Variants in SLC38A10 observed in about 807,000 individuals in gnomAD.
The protein encoded by SLC38A10 is Sodium-coupled neutral amino acid transporter 10.
SLC38A10 carries 53 observed loss-of-function variants against 81.0 expected under a neutral mutation model. That is an observed-to-expected ratio of 0.65 (90% confidence interval 0.53 to 0.82). The LOEUF is 0.82. Among genes scored for constraint, SLC38A10 ranks in the 40% least tolerant of loss-of-function variants. SLC38A10 has a pLI of 0.00. For synonymous variants in SLC38A10, 665 were observed against 655.3 expected, an observed-to-expected ratio of 1.01 and a Z score of -0.23; for missense variants, 1,471 against 1,545.0, an observed-to-expected ratio of 0.95 and a Z score of 0.80.
intron 11 of SLC38A10, among the ~76,000 whole-genome samples, 166 bp downstream of exon 11, chr17:81,260,072 G>A (rs1210593902): frequency 6.6e-6 from 1 of 152,182 alleles, no homozygotes; most frequent in Non-Finnish European, 1.5e-5. Context: ...AGCCAGCCAT[G>A]GTGCACAGAG....
rs1481590587 is a variant in SLC38A10 at position 81,283,418 on chromosome 17, G to T, written c.348C>A (p.Phe116Leu). Residue 116 changes from phenylalanine (F) to leucine (L), a missense_variant, in exon 4 of 16, where the codon TTC (phenylalanine) becomes TTA (leucine). Around this residue, in one of 2 missense-constraint regions of SLC38A10, gnomAD observed 720 missense variants for 827.7 expected, o/e 0.87. Transcript: ENST00000374759. The surrounding 1 kb of genome is among the most constrained non-coding windows in gnomAD (Gnocchi z 4.7). ...CTGAACACATCCTTACCTGAAACCCGAACAGCCGGGCAAAGAAGTTGGACC... is the reference window on the plus strand; with the variant it reads ...CTGAACACATCCTTACCTGAAACCCTAACAGCCGGGCAAAGAAGTTGGACC... ...DLGSNFFARLFGFQVGGTFRM... is the reference protein window; with the variant it reads ...DLGSNFFARLLGFQVGGTFRM... 1 of 1,611,510 alleles carries T rather than the reference G, an allele frequency of 6.2e-7. No homozygotes were observed. The highest frequency in any genetic ancestry group is 1.7e-5 in the Admixed American group (1 of 59,796).
Position 81,277,217 on chromosome 17 carries a change from C to T in SLC38A10, c.627-84G>A. On this transcript the variant is annotated intron_variant, in intron 6 of 15. Coordinates refer to ENST00000374759, the MANE Select transcript of SLC38A10 (RefSeq NM_001037984.3). The surrounding 1 kb of genome is among the most constrained non-coding windows in gnomAD (Gnocchi z 4.5). ...CTCCACTTCTAGGACCTCTCTGCAG[C>T]CCAGTGAGAGTCTCTGACCTTCCTT... 1 of 1,199,764 alleles carries T rather than the reference C, an allele frequency of 8.3e-7. No homozygotes were observed. The highest frequency in any genetic ancestry group is 1.2e-6 in the Non-Finnish European group (1 of 818,744). The allele number at this position is 1,199,764 out of a possible 1,614,324, so 74.3% of individuals were successfully genotyped here.
In SLC38A10 at chr17:81,245,890, A is replaced by G. The variant is rs1244586265; in HGVS notation, c.3026T>C (p.Val1009Ala). 2 of 1,612,136 alleles carry G rather than the reference A, an allele frequency of 1.2e-6. No individual in the cohort carries two copies. The highest frequency in any genetic ancestry group is 1.7e-6 in the Non-Finnish European group (2 of 1,179,568). ...CTCTGGCCTCTGCCTGGGCTCCTGG[A>G]CAGCAGCGTCCTCCCCGCCTCTCGG... ...EQPRGGEDAA[V>A]QEPRQRPEPE... The change falls in exon 16 of 16, where the codon GTC becomes GCC. Residue 1009 changes from valine to alanine, a missense_variant. Val to Ala is a moderately conservative substitution (Grantham distance 64). Transcript: ENST00000374759.
Position 81,283,617 on chromosome 17 carries a change from CTTTTTT to C in SLC38A10, c.264-121_264-116del, listed in dbSNP as rs111438281. The C allele has an allele frequency of 4.5e-4, 235 of 517,960 alleles. 1 individual carries two copies. The highest frequency in any genetic ancestry group is 1.5e-3 in the Admixed American group (46 of 29,888). 32.1% of individuals were successfully genotyped at this position (517,960 alleles called of 1,614,324 possible). ...GAATGACAGATGTGATTTCTTTTTT[CTTTTTT>C]TTTTTTTTGAAACAGAGTCTCACTC... On this transcript the variant is annotated intron_variant, in intron 3 of 15. Coordinates refer to ENST00000374759, the MANE Select transcript of SLC38A10 (RefSeq NM_001037984.3). This position sits in a 1 kb window ranked among gnomAD's most constrained non-coding sequence, Gnocchi z 4.7.
Position 81,277,946 on chromosome 17 carries a change from G to T in SLC38A10, c.627-813C>A, listed in dbSNP as rs1190880232. On this transcript the variant is annotated intron_variant, in intron 6 of 15. Transcript: ENST00000374759. This position sits in a 1 kb window ranked among gnomAD's most constrained non-coding sequence, Gnocchi z 4.5. ...ACGAGGACTCTGGAGTGGGAGTCCA[G>T]GGGGGTGCTCCTAGGGTGTCCAGGT... is the stretch of plus-strand genomic sequence containing the variant. Among the ~76,000 whole-genome samples the T allele has an allele frequency of 6.6e-6, 1 of 152,096 alleles. No individual in the cohort carries two copies. The highest frequency in any genetic ancestry group is 1.5e-5 in the Non-Finnish European group (1 of 67,994).
chr17:81,257,235 T>C (rs970786716), intron 11 of SLC38A10, among the ~76,000 whole-genome samples: 3 of 152,048 alleles, frequency 2.0e-5, no homozygotes, highest in Admixed American at 1.3e-4. Flanking sequence ...TCCTCCCACC[T>C]CAGCATCCAG....
At position 81,276,235 on chromosome 17, in the gene SLC38A10, G is replaced by A. The variant is rs1347083856; in HGVS notation, c.730-84C>T. ...GTCACAGTGGGCAGGGCATGGGGGG[G>A]ACCTGTGCCCTGCCCCCCAGAATGG... On this transcript the variant is annotated intron_variant, in intron 7 of 15. Coordinates refer to ENST00000374759, the MANE Select transcript of SLC38A10 (RefSeq NM_001037984.3). The surrounding 1 kb of genome is among the most constrained non-coding windows in gnomAD (Gnocchi z 4.7). 5.3e-6 allele frequency: 7 copies of A among 1,313,184 alleles called. No homozygotes were observed. Among genetic ancestry groups the A allele is most frequent in the Admixed American group, 2.6e-5 (1 of 39,102 alleles). The allele number at this position is 1,313,184 out of a possible 1,614,324, so 81.3% of individuals were successfully genotyped here. A position where few individuals can be genotyped will look rare whatever the true frequency, so the allele number is the denominator to read the frequency against.
Position 81,294,880 on chromosome 17 carries a change from G to C in SLC38A10, c.42C>G (p.Asn14Lys). ...AAASNWGLIT[N>K]IVNSIVGVSV... ...TGACCCCTACGATGCTGTTCACGAT[G>C]TTCGTGATCAGCCCCCAGTTGGAGG... is the stretch of plus-strand genomic sequence containing the variant. Residue 14 changes from asparagine to lysine, a missense_variant, in exon 1 of 16, where the codon AAC becomes AAG. By Grantham distance (94) the Asn-to-Lys change is moderately conservative (BLOSUM62 0). Around this residue, in one of 2 missense-constraint regions of SLC38A10, gnomAD observed 720 missense variants for 827.7 expected, o/e 0.87. Coordinates refer to ENST00000374759, the MANE Select transcript of SLC38A10 (RefSeq NM_001037984.3). 6.3e-7 allele frequency: 1 copy of C among 1,596,922 alleles called. No homozygotes were observed. The highest frequency in any genetic ancestry group is 1.7e-5 in the Admixed American group (1 of 57,928).
chr17:81,251,733 C>T (rs1341671858), intron 13 of SLC38A10, 121 bp from the exon 14 acceptor site: 47 of 1,085,276 alleles, frequency 4.3e-5, no homozygotes, highest in Non-Finnish European at 5.3e-5. Context: ...AAAGTGACAC[C>T]CCCGTCAGCA....
rs770646100 is a variant in SLC38A10 at position 81,250,025 on chromosome 17, C to T, written c.2065+1468G>A. ...AGGGGCTGCGCTCAGGTCTGTGGCC[C>T]GCCAGACAGGCTCTTGACTTCAGCA... On this transcript the variant is annotated intron_variant, in intron 14 of 15. Coordinates refer to ENST00000374759, the MANE Select transcript of SLC38A10 (RefSeq NM_001037984.3). 9.7e-5 allele frequency: 124 copies of T among 1,283,718 alleles called. No homozygotes were observed. The African/African-American group carries it at 1.6e-3, about 16-fold the overall frequency. The allele number at this position is 1,283,718 out of a possible 1,614,324, so 79.5% of individuals were successfully genotyped here. A position where few individuals can be genotyped will look rare whatever the true frequency, so the allele number is the denominator to read the frequency against.
chr17:81,287,229 T>C (rs2063275123), intron 2 of SLC38A10, among the ~76,000 whole-genome samples: 1 of 152,140 alleles, frequency 6.6e-6, no homozygotes, highest in Non-Finnish European at 1.5e-5. Flanking sequence ...CTCCCCAGGC[T>C]AACCAACCCG....
Position 81,251,587 on chromosome 17 carries a change from C to T in SLC38A10, c.1971G>A (p.Glu657=). 1 of 1,493,354 alleles carries T rather than the reference C, an allele frequency of 6.7e-7. No individual in the cohort carries two copies. 92.5% of individuals were successfully genotyped at this position (1,493,354 alleles called of 1,614,324 possible). A position where few individuals can be genotyped will look rare whatever the true frequency, so the allele number is the denominator to read the frequency against. ...GCAGCCCAGGCCCTGGAGCCGGCTT[C>T]TCCGCTGGGAGGGGAGGCTTCCCAC... ...DHGGKPPLPA[E]KPAPGPGLPP... The change falls in exon 14 of 16, where the codon GAG becomes GAA. Residue 657 remains glutamate, a synonymous_variant. Transcript: ENST00000374759.
At chr17:81,274,208 G>A (rs1180111331) in intron 8 of SLC38A10, among the ~76,000 whole-genome samples, 2 of 152,216 alleles carry the variant, frequency 1.3e-5, no homozygotes, top group Non-Finnish European at 1.5e-5. Flanking sequence ...TGCCTCACCC[G>A]TGCCCAGGTG....
chr17:81,277,062 G>A lies in SLC38A10; in HGVS notation c.698C>T (p.Ser233Phe). Residue 233 changes from serine to phenylalanine, a missense_variant, in exon 7 of 16, where the codon TCC (serine) becomes TTC (phenylalanine). Physicochemically the swap from Ser to Phe is radical, Grantham distance 155. Coordinates refer to ENST00000374759, the MANE Select transcript of SLC38A10 (RefSeq NM_001037984.3). The surrounding 1 kb of genome is among the most constrained non-coding windows in gnomAD (Gnocchi z 4.5). The part of the protein sequence containing the change: ...VKTMSSIFAS[S>F]LNVVTTFYVM... ...GTAGAAGGTGGTGACCACATTAAGG[G>A]AGGAAGCAAATATGGAGCTCATGGT... 1.9e-6 allele frequency: 3 copies of A among 1,614,094 alleles called. No individual in the cohort carries two copies. Among genetic ancestry groups the A allele is most frequent in the Non-Finnish European group, 2.5e-6 (3 of 1,179,970 alleles).
chr17:81,280,033 G>A (rs957350574), intron 6 of SLC38A10: 1 of 399,914 alleles, frequency 2.5e-6, no homozygotes, highest in Non-Finnish European at 5.2e-6. Flanking sequence ...GTCTGCGCCG[G>A]ATTTACGCCT....
At chr17:81,261,258 G>A (rs557592722) in intron 10 of SLC38A10, among the ~76,000 whole-genome samples, 1 of 152,306 alleles carries the variant, frequency 6.6e-6, no homozygotes, top group African/African-American at 2.4e-5. Context: ...TGCCACCCCT[G>A]CTATGTTAGC....
At chr17:81,267,271 T>A (rs1457148478) in intron 10 of SLC38A10, among the ~76,000 whole-genome samples, 1 of 152,222 alleles carries the variant, frequency 6.6e-6, no homozygotes, top group African/African-American at 2.4e-5. Context: ...CATACTTTGT[T>A]TCTTACACCA....
chr17:81,294,527 T>G (rs2063332998), intron 1 of SLC38A10, among the ~76,000 whole-genome samples: 1 of 152,182 alleles, frequency 6.6e-6, no homozygotes, highest in Non-Finnish European at 1.5e-5. Context: ...ACCGTTCCCT[T>G]CCGATTCTGG....
rs544076180 is a variant in SLC38A10, at chr17:81,283,652, C to G, written c.264-150G>C. ...TTTTTGAAACAGAGTCTCACTCTGTCGCCCAGGCTGGAGTGCAATGGTGAG... is the reference window on the plus strand; with the variant it reads ...TTTTTGAAACAGAGTCTCACTCTGTGGCCCAGGCTGGAGTGCAATGGTGAG... On this transcript the variant is annotated intron_variant, in intron 3 of 15. Transcript: ENST00000374759. This position sits in a 1 kb window ranked among gnomAD's most constrained non-coding sequence, Gnocchi z 4.7. The G allele has an allele frequency of 5.1e-4, 277 of 537,964 alleles. No homozygotes were observed. Among genetic ancestry groups the G allele is most frequent in the African/African-American group, 5.0e-3 (254 of 50,850 alleles). The allele number at this position is 537,964 out of a possible 1,614,324, so 33.3% of individuals were successfully genotyped here. A position where few individuals can be genotyped will look rare whatever the true frequency, so the allele number is the denominator to read the frequency against.
Sources: gnomAD v4.1 joint callset for allele counts (sites outside exome capture counted in the v4.1 genomes callset) on GRCh38, gnomAD v4.1.1 for gene constraint, gnomAD v4.1.1 regional missense constraint, Gnocchi (gnomAD v3.1) non-coding constraint, MANE v1.5 for transcripts, NCBI Gene and HGNC (gene_info 2026-07-23, HGNC 2026-07-21) for gene names.